The following ERCC6L2 variants were observed in gnomAD, a reference collection of about 807,000 sequenced individuals.
ERCC6L2 encodes the protein ERCC excision repair 6 like 2, also known as DNA excision repair protein ERCC-6-like 2.
A neutral mutation model predicts 132.0 loss-of-function variants in ERCC6L2; 77 were observed. The ratio of observed to expected loss-of-function variants is 0.58; its 90% CI spans 0.49 to 0.71. The LOEUF (loss-of-function observed/expected upper bound fraction) is 0.71. ERCC6L2 is among the 30% of genes least tolerant of loss of function. The probability of loss-of-function intolerance (pLI) is 0.00; values close to 1 mark genes in which losing one functional copy is unlikely to be tolerated. For synonymous variants in ERCC6L2, 583 were observed against 632.4 expected (o/e 0.92, Z 1.17); for missense variants, 1,542 against 1,837.6 (o/e 0.84, Z 2.94).
chr9:95,887,811 T>C (rs1827953937), intron 2 of ERCC6L2, among the ~76,000 whole-genome samples: 2 of 152,292 alleles, frequency 1.3e-5, no homozygotes, highest in East Asian at 1.9e-4. Flanking sequence ...TCTCAAGTCA[T>C]GTTATTCACT....
At chr9:95,973,707 C>T (rs374285139) in intron 16 of ERCC6L2, among the ~76,000 whole-genome samples, 6 of 152,156 alleles carry the variant, frequency 3.9e-5, no homozygotes, top group African/African-American at 7.2e-5. Flanking sequence ...CCTCCCATGA[C>T]ACATGGGGAT....
Position 95,881,055 on chromosome 9 carries a change from G to T in ERCC6L2, c.233G>T (p.Cys78Phe). ...CAAGAAGTGAAATTTGTTAAAGATT[G>T]CCCTAGGAATCTTATATTTGATGAT... ...QLQEVKFVKD[C>F]PRNLIFDDED... The change falls in exon 2 of 19, where the codon TGC becomes TTC. Residue 78 changes from cysteine to phenylalanine, a missense_variant. Cys to Phe is a radical substitution (Grantham distance 205). This residue lies in a region of ERCC6L2 where 153 missense variants were observed against 132.3 expected (regional missense o/e 1.16). Transcript: ENST00000653738. The T allele has an allele frequency of 6.2e-7, 1 of 1,613,476 alleles. No individual in the cohort carries two copies. The highest frequency in any genetic ancestry group is 1.3e-5 in the African/African-American group (1 of 74,996).
At position 95,897,933 on chromosome 9, in the gene ERCC6L2, A is replaced by C. The variant is rs1201706554; in HGVS notation, c.556A>C (p.Ser186Arg). Residue 186 changes from serine (S) to arginine (R), a missense_variant, in exon 3 of 19, where the codon AGT becomes CGT. Ser to Arg is a moderately radical substitution (Grantham distance 110). Coordinates refer to ENST00000653738, the MANE Select transcript of ERCC6L2 (RefSeq NM_020207.7). ...TAACATGCCAGAGTTTTTACTAAGA[A>C]GTATGAAAAAGGAACCCCTTTCTTC... is the stretch of plus-strand genomic sequence containing the variant. ...ENNMPEFLLRSMKKEPLSSTA... is the reference protein window; with the variant it reads ...ENNMPEFLLRRMKKEPLSSTA... 4 of 1,612,432 alleles carry C rather than the reference A, an allele frequency of 2.5e-6. No homozygotes were observed. Among genetic ancestry groups the C allele is most frequent in the Non-Finnish European group, 3.4e-6 (4 of 1,179,194 alleles).
chr9:95,889,763 C>T (rs1828062415), intron 2 of ERCC6L2, among the ~76,000 whole-genome samples: 1 of 152,034 alleles, frequency 6.6e-6, no homozygotes, highest in Non-Finnish European at 1.5e-5. Flanking sequence ...TTATTTACAC[C>T]ATCAAGGAAT....
chr9:95,921,634 A>G (rs1352125901), intron 7 of ERCC6L2, among the ~76,000 whole-genome samples: 1 of 152,240 alleles, frequency 6.6e-6, no homozygotes, highest in African/African-American at 2.4e-5. Flanking sequence ...ATTATCCACT[A>G]ATAGTAAACG....
At chr9:96,027,539 C>A (rs1397587821) in intron 19 of ERCC6L2, 1 of 152,206 alleles carries the variant, frequency 6.6e-6, no homozygotes, top group African/African-American at 2.4e-5. Context: ...AACCGAAGGC[C>A]CCCGCGTGGA....
intron 1 of ERCC6L2, among the ~76,000 whole-genome samples, chr9:95,880,603 A>G (rs1317609910): frequency 6.6e-6 from 1 of 152,194 alleles, no homozygotes; most frequent in Non-Finnish European, 1.5e-5. Context: ...CTAAGAATGT[A>G]TATTTTTAAA....
In ERCC6L2 at chr9:96,012,352, C is replaced by A. The variant is rs1459184418; in HGVS notation, c.3802C>A (p.Pro1268Thr). 2 of 1,362,418 alleles carry A rather than the reference C, an allele frequency of 1.5e-6. No homozygotes were observed. Among genetic ancestry groups the A allele is most frequent in the East Asian group, 4.6e-5 (1 of 21,874 alleles). The allele number at this position is 1,362,418 out of a possible 1,614,324, so 84.4% of individuals were successfully genotyped here. ...AAGAGACTTTTATGCTTCTCAATATCCAGAGGTAAAAGAATTTTTTGTGGA... is the reference window on the plus strand; with the variant it reads ...AAGAGACTTTTATGCTTCTCAATATACAGAGGTAAAAGAATTTTTTGTGGA... The part of the protein sequence containing the change: ...MLRDFYASQY[P>T]EVKEFFVDSV... The change falls in exon 19 of 19, where the codon CCA (proline) becomes ACA (threonine). Residue 1268 changes from proline (P) to threonine (T), a missense_variant. Coordinates refer to ENST00000653738, the MANE Select transcript of ERCC6L2 (RefSeq NM_020207.7).
intron 4 of ERCC6L2, 62 bp downstream of exon 4, chr9:95,907,333 T>A: frequency 1.1e-6 from 1 of 896,840 alleles, no homozygotes; most frequent in South Asian, 2.6e-5. Context: ...CCCTTTATAT[T>A]AAGAGTTTTT....
In ERCC6L2 at chr9:95,941,355, C is replaced by T. The variant is rs527882885; in HGVS notation, c.1752-99C>T. Reference sequence around the variant, plus strand: ...TACTTTGATGAAATTAATGCAATATCGTACTGTTTTGGCTATAGAAACCTG... The same window carrying T: ...TACTTTGATGAAATTAATGCAATATTGTACTGTTTTGGCTATAGAAACCTG... On this transcript the variant is annotated intron_variant, in intron 11 of 18. Transcript: ENST00000653738. 2.7e-4 allele frequency: 200 copies of T among 732,506 alleles called. 3 individuals are homozygous for T. The South Asian group carries it at 3.1e-3, about 11-fold the overall frequency. 45.4% of individuals were successfully genotyped at this position (732,506 alleles called of 1,614,324 possible).
chr9:95,939,283 C>CTT (rs571836499), intron 11 of ERCC6L2, among the ~76,000 whole-genome samples: 4 of 142,138 alleles, frequency 2.8e-5, no homozygotes, highest in Non-Finnish European at 6.2e-5. Context: ...CCTTATTCTG[C>CTT]TTTTTTTTTT....
chr9:95,992,307 A>T (rs1351427171), intron 17 of ERCC6L2, among the ~76,000 whole-genome samples: 2 of 152,158 alleles, frequency 1.3e-5, no homozygotes, highest in African/African-American at 4.8e-5. Context: ...ACAAACAAAA[A>T]CTCCTTGAGA....
In ERCC6L2 at chr9:95,978,053, C is replaced by A; in HGVS notation, c.3338-8C>A. 7.4e-7 allele frequency: 1 copy of A among 1,358,218 alleles called. No individual in the cohort carries two copies. Among genetic ancestry groups the A allele is most frequent in the Middle Eastern group, 2.1e-4 (1 of 4,718 alleles). 84.1% of individuals were successfully genotyped at this position (1,358,218 alleles called of 1,614,324 possible). A position where few individuals can be genotyped will look rare whatever the true frequency, so the allele number is the denominator to read the frequency against. On this transcript the variant is annotated splice_region_variant and splice_polypyrimidine_tract_variant and intron_variant, in intron 16 of 18. Transcript: ENST00000653738. ...TACATCACTTAATAAACATAAATTA[C>A]CTCCTAGATGGCGTTCAGGAAGTGG... is the stretch of plus-strand genomic sequence containing the variant.
Position 95,978,219 on chromosome 9 carries a change from A to G in ERCC6L2, c.3492+4A>G. The G allele has an allele frequency of 7.4e-7, 1 of 1,358,510 alleles. No individual in the cohort carries two copies. Among genetic ancestry groups the G allele is most frequent in the Non-Finnish European group, 9.8e-7 (1 of 1,017,714 alleles). The allele number at this position is 1,358,510 out of a possible 1,614,324, so 84.2% of individuals were successfully genotyped here. On this transcript the variant is annotated splice_donor_region_variant and intron_variant, in intron 17 of 18. Transcript: ENST00000653738. ...CATAGCTGTTTGCAGTTCTAAGGTA[A>G]GAAAAATATAGGGTAGTATCATCTT...
intron 19 of ERCC6L2, among the ~76,000 whole-genome samples, chr9:96,031,005 C>T (rs1162291440): frequency 1.3e-5 from 2 of 152,222 alleles, no homozygotes; most frequent in Non-Finnish European, 2.9e-5. Context: ...ATAAAAGCAT[C>T]TTCCTTCAGG....
chr9:95,960,037 C>T (rs1211557385), intron 13 of ERCC6L2, among the ~76,000 whole-genome samples: 1 of 152,086 alleles, frequency 6.6e-6, no homozygotes, highest in African/African-American at 2.4e-5. Context: ...CCCTTATAAT[C>T]CTATCCCATT....
At chr9:95,918,429 A>G in intron 6 of ERCC6L2, 3 of 411,848 alleles carry the variant, frequency 7.3e-6, no homozygotes, top group Non-Finnish European at 1.4e-5. Context: ...AGAAAACGAG[A>G]AGGGCCTCAT....
chr9:96,007,395 T>C (rs1355287010), intron 18 of ERCC6L2, among the ~76,000 whole-genome samples: 1 of 152,326 alleles, frequency 6.6e-6, no homozygotes, highest in East Asian at 1.9e-4. Flanking sequence ...TTATCAAGAA[T>C]GATGGCAAGA....
intron 17 of ERCC6L2, among the ~76,000 whole-genome samples, chr9:95,988,790 A>G (rs1833190994): frequency 2.0e-5 from 3 of 152,276 alleles, no homozygotes; most frequent in Non-Finnish European, 2.9e-5. Context: ...CTCCGATTCA[A>G]TTCCAATACT....
Sources: gnomAD v4.1 joint callset for allele counts (sites outside exome capture counted in the v4.1 genomes callset) on GRCh38, gnomAD v4.1.1 for gene constraint, gnomAD v4.1.1 regional missense constraint, MANE v1.5 for transcripts, NCBI Gene and HGNC (gene_info 2026-07-23, HGNC 2026-07-21) for gene names.